ZRANB3: variants seen among roughly 807,000 people sequenced by gnomAD.
The protein encoded by ZRANB3 is DNA annealing helicase and endonuclease ZRANB3.
In ZRANB3, 125 loss-of-function variants were observed where a neutral mutation model predicts 133.8. The observed-to-expected ratio is 0.93, with a 90% confidence interval of 0.81 to 1.08. The LOEUF (loss-of-function observed/expected upper bound fraction) is 1.08. Among genes scored for constraint, ZRANB3 ranks in the 50% least tolerant of loss-of-function variants. ZRANB3 has a pLI of 0.00. For missense variants in ZRANB3, 1,229 were observed against 1,275.5 expected, an observed-to-expected ratio of 0.96 and a Z score of 0.56; for synonymous variants, 387 against 432.7, an observed-to-expected ratio of 0.89 and a Z score of 1.31.
At position 135,269,079 on chromosome 2, in the gene ZRANB3, A is replaced by T. The variant is rs372859678; in HGVS notation, c.1269T>A (p.His423Gln). 3.7e-6 allele frequency: 6 copies of T among 1,612,922 alleles called. No individual in the cohort carries two copies. The African/African-American group carries it at 8.0e-5, about 22-fold the overall frequency. The change falls in exon 11 of 21, where the codon CAT (histidine) becomes CAA (glutamine). Residue 423 changes from histidine (H) to glutamine (Q), a missense_variant. By Grantham distance (24) the His-to-Gln change is conservative (BLOSUM62 0). Transcript: ENST00000264159. Reference protein sequence around the residue: ...VFAELYWDPGHIKQAEDRAHR... With the variant: ...VFAELYWDPGQIKQAEDRAHR... ...GAGCTCGGTCTTCTGCTTGTTTTATATGTCCAGGGTCCCAGTACAACTCAG... is the reference window on the plus strand; with the variant it reads ...GAGCTCGGTCTTCTGCTTGTTTTATTTGTCCAGGGTCCCAGTACAACTCAG...
At chr2:135,509,009 G>T (rs1024830098) in intron 1 of ZRANB3, among the ~76,000 whole-genome samples, 1 of 151,982 alleles carries the variant, frequency 6.6e-6, no homozygotes, top group Admixed American at 6.6e-5. Context: ...GGCGGGGGGA[G>T]CCTATCAAAA....
At chr2:135,293,179 C>A (rs1681852918) in intron 8 of ZRANB3, among the ~76,000 whole-genome samples, 1 of 152,012 alleles carries the variant, frequency 6.6e-6, no homozygotes, top group Non-Finnish European at 1.5e-5. Context: ...TATAAATTAC[C>A]TTGGGCAGTA....
chr2:135,463,422 G>GT (rs1196168517), intron 2 of ZRANB3, among the ~76,000 whole-genome samples: 273 of 144,312 alleles, frequency 1.9e-3, no homozygotes, highest in Middle Eastern at 7.1e-3. Context: ...GGAATATGTT[G>GT]TTTTTTTTTT....
intron 8 of ZRANB3, among the ~76,000 whole-genome samples, chr2:135,309,281 G>A (rs115089916): frequency 6.5e-4 from 99 of 152,084 alleles, no homozygotes; most frequent in African/African-American, 2.0e-3. Flanking sequence ...GCACCCAGCC[G>A]CAATAACATC....
At chr2:135,345,035 T>C (rs544965712) in intron 6 of ZRANB3, 1 of 152,500 alleles carries the variant, frequency 6.6e-6, no homozygotes, top group South Asian at 2.1e-4. Flanking sequence ...TTTACTTTTG[T>C]ATAATTTACA....
intron 5 of ZRANB3, 85 bp downstream of exon 5, chr2:135,349,898 TA>T: frequency 8.6e-7 from 1 of 1,166,452 alleles, no homozygotes; most frequent in Non-Finnish European, 1.2e-6. Flanking sequence ...AATTTGAAAT[TA>T]AAAATTGCAA....
At chr2:135,274,131 A>T (rs542827976) in intron 9 of ZRANB3, among the ~76,000 whole-genome samples, 1 of 152,312 alleles carries the variant, frequency 6.6e-6, no homozygotes, top group East Asian at 1.9e-4. Flanking sequence ...GAAACACTAG[A>T]AGTATGTCTT....
chr2:135,393,808 G>A (rs1213108652), intron 2 of ZRANB3, among the ~76,000 whole-genome samples: 2 of 151,946 alleles, frequency 1.3e-5, no homozygotes, highest in Admixed American at 1.3e-4. Context: ...CTAGAAGCTA[G>A]AATAAAATGC....
In ZRANB3 at chr2:135,519,062, C is replaced by T. The variant is rs142088759; in HGVS notation, c.-8+12065G>A. Among the ~76,000 whole-genome samples the T allele has an allele frequency of 1.9e-3, 291 of 152,200 alleles. 1 individual carries two copies. Among genetic ancestry groups the T allele is most frequent in the African/African-American group, 6.4e-3 (264 of 41,518 alleles). Reference sequence around the variant, plus strand: ...CATTTATTATTTTATTCCATTTACACGACCTACTTGAAAGGACAAAATTTT... The same window carrying T: ...CATTTATTATTTTATTCCATTTACATGACCTACTTGAAAGGACAAAATTTT... On this transcript the variant is annotated intron_variant, in intron 1 of 20. Transcript: ENST00000264159.
At chr2:135,378,056 G>C (rs1188473753) in intron 3 of ZRANB3, among the ~76,000 whole-genome samples, 1 of 152,204 alleles carries the variant, frequency 6.6e-6, no homozygotes, top group Non-Finnish European at 1.5e-5. Context: ...ACTAGAACTG[G>C]CTTCCTTGTT....
chr2:135,369,364 T>C (rs894044319), intron 3 of ZRANB3, among the ~76,000 whole-genome samples: 2 of 152,122 alleles, frequency 1.3e-5, no homozygotes, highest in African/African-American at 4.8e-5. Flanking sequence ...TTATTAATAG[T>C]TTGTTTCTAA....
intron 3 of ZRANB3, among the ~76,000 whole-genome samples, chr2:135,381,014 G>A (rs1172344121): frequency 6.6e-6 from 1 of 152,158 alleles, no homozygotes; most frequent in East Asian, 1.9e-4. Context: ...GCAGGACAGA[G>A]GATGCAGTGC....
chr2:135,360,884 A>C lies in ZRANB3; in HGVS notation c.181-7256T>G, dbSNP rs1685662565. On this transcript the variant is annotated intron_variant, in intron 3 of 20. Coordinates refer to ENST00000264159, the MANE Select transcript of ZRANB3 (RefSeq NM_032143.4). ...TGGGCTCAAGCGGTTCTCCCACCTC[A>C]GCCTCCTGAGTAGCTGAGACTACAG... Among the ~76,000 whole-genome samples the C allele has an allele frequency of 2.0e-5, 3 of 152,128 alleles. No individual in the cohort carries two copies. In the South Asian group the frequency reaches 6.2e-4, roughly 32 times the overall value.
Position 135,271,970 on chromosome 2 carries a change from A to T in ZRANB3, c.1087-83T>A. On this transcript the variant is annotated intron_variant, in intron 9 of 20. Transcript: ENST00000264159. ...TTTATATATTTTACAGCTTATTTTTATGGTCACATAACAAAATGGAACTTG... is the reference window on the plus strand; with the variant it reads ...TTTATATATTTTACAGCTTATTTTTTTGGTCACATAACAAAATGGAACTTG... The T allele has an allele frequency of 3.7e-6, 5 of 1,352,086 alleles. No individual in the cohort carries two copies. In the South Asian group the frequency reaches 1.0e-4, roughly 28 times the overall value. 83.8% of individuals were successfully genotyped at this position (1,352,086 alleles called of 1,614,324 possible).
chr2:135,450,778 G>T (rs890601411), intron 2 of ZRANB3, among the ~76,000 whole-genome samples: 1 of 152,196 alleles, frequency 6.6e-6, no homozygotes, highest in Non-Finnish European at 1.5e-5. Context: ...GCTTTCAGGG[G>T]GGACCCAGAT....
intron 2 of ZRANB3, among the ~76,000 whole-genome samples, chr2:135,468,219 T>C (rs896094289): frequency 6.6e-6 from 1 of 152,212 alleles, no homozygotes; most frequent in South Asian, 2.1e-4. Flanking sequence ...AGAAACATGC[T>C]TAAAAACATC....
At chr2:135,514,524 G>A (rs1451742558) in intron 1 of ZRANB3, among the ~76,000 whole-genome samples, 1 of 152,192 alleles carries the variant, frequency 6.6e-6, no homozygotes, top group Non-Finnish European at 1.5e-5. Context: ...TTGCTTATCA[G>A]CTTAAGAAGA....
intron 12 of ZRANB3, among the ~76,000 whole-genome samples, chr2:135,233,079 G>A (rs1348071463): frequency 6.6e-6 from 1 of 152,038 alleles, no homozygotes; most frequent in Non-Finnish European, 1.5e-5. Context: ...TAGAATACCC[G>A]ATGCAGAGAA....
intron 3 of ZRANB3, among the ~76,000 whole-genome samples, chr2:135,389,587 C>T (rs1687130642): frequency 6.6e-6 from 1 of 151,936 alleles, no homozygotes; most frequent in Non-Finnish European, 1.5e-5. Context: ...CGCCTGTAGT[C>T]CCACCTACTG....
Sources: gnomAD v4.1 joint callset for allele counts (sites outside exome capture counted in the v4.1 genomes callset) on GRCh38, gnomAD v4.1.1 for gene constraint, MANE v1.5 for transcripts, NCBI Gene and HGNC (gene_info 2026-07-23, HGNC 2026-07-21) for gene names.